The following CYRIB variants were observed in gnomAD, a reference collection of about 807,000 sequenced individuals.
CYRIB encodes the protein CYFIP-related Rac1 interactor B.
CYRIB carries 8 observed loss-of-function variants against 44.2 expected under a neutral mutation model. The ratio of observed to expected loss-of-function variants is 0.18; its 90% CI spans 0.11 to 0.33. The LOEUF is 0.33. Ranked by LOEUF, CYRIB falls within the 10% of genes least tolerant of loss-of-function variation. CYRIB has a pLI of 1.00. For missense variants in CYRIB, 185 were observed against 382.8 expected, an observed-to-expected ratio of 0.48 and a Z score of 4.31; for synonymous variants, 131 against 127.2, an observed-to-expected ratio of 1.03 and a Z score of -0.20.
intron 9 of CYRIB, 107 bp downstream of exon 11, chr8:129,850,728 T>C: frequency 1.2e-6 from 1 of 803,918 alleles, no homozygotes. Flanking sequence ...ATACTTACTT[T>C]CCACCTTCCA....
At chr8:129,846,489 T>C (rs1045924032) in intron 11 of CYRIB, among the ~76,000 whole-genome samples, 8 of 152,242 alleles carry the variant, frequency 5.3e-5, no homozygotes, top group African/African-American at 1.4e-4. Flanking sequence ...CTGAATTTTA[T>C]TTATAACTGG....
chr8:129,920,320 CAGACA>C (rs572843060), intron 1 of CYRIB, among the ~76,000 whole-genome samples: 26 of 152,186 alleles, frequency 1.7e-4, no homozygotes, highest in African/African-American at 6.0e-4. Context: ...ATGGGTTCAA[CAGACA>C]AGACATCAAT....
At chr8:129,862,786 C>T (rs1396168061) in intron 4 of CYRIB, among the ~76,000 whole-genome samples, 1 of 152,162 alleles carries the variant, frequency 6.6e-6, no homozygotes, top group Non-Finnish European at 1.5e-5. Flanking sequence ...GTTGAATATT[C>T]TATATTGAGT....
chr8:129,886,606 T>G (rs2062852567), intron 2 of CYRIB, among the ~76,000 whole-genome samples: 1 of 152,126 alleles, frequency 6.6e-6, no homozygotes, highest in African/African-American at 2.4e-5. Context: ...TTAAACCCAC[T>G]GCAATGTGGC....
At chr8:129,941,425 C>T (rs1437603459), upstream of CYRIB, among the ~76,000 whole-genome samples, 1 of 151,906 alleles carries the variant, frequency 6.6e-6, no homozygotes, top group Non-Finnish European at 1.5e-5. Flanking sequence ...AGGTGCACAC[C>T]ACCATGCCTG....
intron 3 of CYRIB, among the ~76,000 whole-genome samples, chr8:129,873,770 C>T (rs1369810670): frequency 6.6e-6 from 1 of 151,854 alleles, no homozygotes; most frequent in African/African-American, 2.4e-5. Flanking sequence ...CTTAAGTAGA[C>T]CTTGTAAGTG....
chr8:129,949,475 C>T (rs749031251), intron 2 of CYRIB: 5 of 152,202 alleles, frequency 3.3e-5, no homozygotes, highest in Non-Finnish European at 5.9e-5. Context: ...GTCTTAGCTC[C>T]CTGCTTTGCA....
intron 2 of CYRIB, among the ~76,000 whole-genome samples, chr8:129,881,451 A>C (rs765999360): frequency 6.6e-6 from 1 of 152,204 alleles, no homozygotes; most frequent in Non-Finnish European, 1.5e-5. Flanking sequence ...TCATTATAAG[A>C]AGCTTGAAAA....
chr8:129,879,607 C>T, intron 2 of CYRIB, 136 bp from the exon 5 acceptor site: 1 of 651,200 alleles, frequency 1.5e-6, no homozygotes, highest in Non-Finnish European at 2.6e-6. Context: ...CCAGACTGTG[C>T]TCTGGCAGAC....
At chr8:129,888,918 C>T (rs559665865) in intron 2 of CYRIB, among the ~76,000 whole-genome samples, 4 of 152,166 alleles carry the variant, frequency 2.6e-5, no homozygotes, top group Non-Finnish European at 5.9e-5. Flanking sequence ...CATGGTGAAA[C>T]CCCATCTCTA....
chr8:129,929,342 T>C (rs2089920967), intron 1 of CYRIB, among the ~76,000 whole-genome samples: 1 of 151,694 alleles, frequency 6.6e-6, no homozygotes, highest in South Asian at 2.1e-4. Context: ...AGCTAGAAGA[T>C]AGGAAAGTGG....
At chr8:129,942,342 A>G (rs574042312), upstream of CYRIB, among the ~76,000 whole-genome samples, 38 of 152,310 alleles carry the variant, frequency 2.5e-4, no homozygotes, top group Admixed American at 1.3e-3. Context: ...GTCTCAAAAA[A>G]TAATAATAAT....
chr8:129,936,897 C>A (rs1381844221), intron 1 of CYRIB, among the ~76,000 whole-genome samples: 2 of 151,798 alleles, frequency 1.3e-5, no homozygotes, highest in Non-Finnish European at 2.9e-5. Context: ...TTGGTAGAGA[C>A]GGGGTTTCAC....
chr8:130,007,732 C>T (rs1374518852), intron 1 of CYRIB, among the ~76,000 whole-genome samples: 1 of 152,032 alleles, frequency 6.6e-6, no homozygotes, highest in East Asian at 1.9e-4. Context: ...TGCGCTGAGC[C>T]GAGATTGCAC....
At chr8:129,898,449 A>G (rs1021629755) in intron 2 of CYRIB, among the ~76,000 whole-genome samples, 1 of 152,238 alleles carries the variant, frequency 6.6e-6, no homozygotes, top group African/African-American at 2.4e-5. Flanking sequence ...AAATTTAAAA[A>G]AGAAAAATGT....
intron 1 of CYRIB, among the ~76,000 whole-genome samples, chr8:129,913,837 A>G (rs1170185043): frequency 6.6e-6 from 1 of 152,240 alleles, no homozygotes; most frequent in Admixed American, 6.5e-5. Flanking sequence ...TAAGGACTCT[A>G]TAAATGAAAG....
At chr8:129,893,845 T>C (rs976550758) in intron 2 of CYRIB, among the ~76,000 whole-genome samples, 4 of 152,040 alleles carry the variant, frequency 2.6e-5, no homozygotes, top group Admixed American at 2.0e-4. Flanking sequence ...TTTTTTTTTT[T>C]CCAGCATGGT....
At chr8:129,970,845 A>G (rs2095662831) in intron 2 of CYRIB, 98 bp downstream of exon 2, 1 of 152,222 alleles carries the variant, frequency 6.6e-6, no homozygotes, top group African/African-American at 2.4e-5. Context: ...TCTTGTAGCC[A>G]TCACCATCCA....
At chr8:130,011,700 G>A (rs1254200744) in intron 1 of CYRIB, among the ~76,000 whole-genome samples, 14 of 151,804 alleles carry the variant, frequency 9.2e-5, no homozygotes, top group South Asian at 8.3e-4. Context: ...AGGCATGGTG[G>A]CGGGTGCCTG....
Sources: allele counts gnomAD v4.1 joint callset (sites outside exome capture counted in the v4.1 genomes callset), GRCh38; gene constraint gnomAD v4.1.1; transcripts MANE v1.5; gene names NCBI Gene and HGNC (gene_info 2026-07-23, HGNC 2026-07-21).